Variants in DOCK8 observed in about 807,000 individuals in gnomAD.
The protein encoded by DOCK8 is dedicator of cytokinesis 8, also known as dedicator of cytokinesis protein 8.
A neutral mutation model predicts 245.6 loss-of-function variants in DOCK8; 141 were observed. The observed-to-expected ratio is 0.57, with a 90% CI of 0.50 to 0.66. DOCK8 has a LOEUF of 0.66. DOCK8 is among the 30% of genes least tolerant of loss of function. The pLI is 0.00. For missense variants in DOCK8, 2,965 were observed against 2,603.4 expected, an observed-to-expected ratio of 1.14 and a Z score of -3.02; for synonymous variants, 1,168 against 970.2, an observed-to-expected ratio of 1.20 and a Z score of -3.79.
At chr9:269,057 ATATC>A (rs549731417) in intron 1 of DOCK8, among the ~76,000 whole-genome samples, 9 of 152,218 alleles carry the variant, frequency 5.9e-5, no homozygotes, top group Non-Finnish European at 1.0e-4. Flanking sequence ...ACACCTATCT[ATATC>A]TATTTAGATA....
chr9:315,548 G>C (rs1020131962), intron 6 of DOCK8, among the ~76,000 whole-genome samples: 1 of 152,156 alleles, frequency 6.6e-6, no homozygotes, highest in African/African-American at 2.4e-5. Context: ...AGGCATAATG[G>C]TATTGCTGTA....
intron 1 of DOCK8, among the ~76,000 whole-genome samples, chr9:226,308 A>C (rs899795313): frequency 6.6e-6 from 1 of 152,168 alleles, no homozygotes; most frequent in Non-Finnish European, 1.5e-5. Context: ...ACCTGCCTCC[A>C]TGATTCAATT....
chr9:315,996 A>G (rs56002971), intron 6 of DOCK8, among the ~76,000 whole-genome samples: 1 of 151,428 alleles, frequency 6.6e-6, no homozygotes, highest in South Asian at 2.1e-4. Context: ...AAACTCAGCC[A>G]TTCCACCCAG....
chr9:215,093 C>G (rs1027489935), intron 1 of DOCK8, 64 bp downstream of exon 1: 8 of 1,519,238 alleles, frequency 5.3e-6, no homozygotes, highest in Middle Eastern at 1.9e-4. Flanking sequence ...TGAAGCGGAG[C>G]TTCGCTGCAG....
chr9:400,042 ACCTCCACCATCACCACCTCCT>A (rs2054712380), intron 26 of DOCK8, among the ~76,000 whole-genome samples: 3 of 105,638 alleles, frequency 2.8e-5, no homozygotes, highest in African/African-American at 1.3e-4. Context: ...CACCACCACC[ACCTCCACCATCACCACCTCCT>A]TCACCATCAC....
At chr9:397,342 C>G (rs927563891) in intron 25 of DOCK8, among the ~76,000 whole-genome samples, 1 of 127,890 alleles carries the variant, frequency 7.8e-6, no homozygotes, top group Admixed American at 8.8e-5. Flanking sequence ...CAGAGTGAGA[C>G]TCTGTCTCAA....
Position 424,323 on chromosome 9 carries a change from A to G in DOCK8, c.4241+2188A>G, listed in dbSNP as rs559626043. Reference sequence around the variant, plus strand: ...GAAACTCCAGCAGGACCCAGAAATCAGTATTTGGTAAAACTTCCCAGGTGA... The same window carrying G: ...GAAACTCCAGCAGGACCCAGAAATCGGTATTTGGTAAAACTTCCCAGGTGA... On this transcript the variant is annotated intron_variant, in intron 33 of 47. Transcript: ENST00000432829. Among the ~76,000 whole-genome samples, 3 of 152,192 alleles carry G rather than the reference A, an allele frequency of 2.0e-5. No homozygotes were observed. The South Asian group carries it at 6.2e-4, about 32-fold the overall frequency.
chr9:403,000 C>T (rs1283339034), intron 26 of DOCK8, among the ~76,000 whole-genome samples: 1 of 152,336 alleles, frequency 6.6e-6, no homozygotes, highest in East Asian at 1.9e-4. Flanking sequence ...AGCGATTCTC[C>T]TTCCTCACCC....
chr9:328,294 T>C, intron 9 of DOCK8, 123 bp downstream of exon 9: 3 of 1,306,118 alleles, frequency 2.3e-6, no homozygotes, highest in Non-Finnish European at 3.2e-6. Context: ...TCACTTTGTT[T>C]CCTTCTCAGT....
At chr9:331,026 TAAG>T (rs1156675960) in intron 9 of DOCK8, among the ~76,000 whole-genome samples, 1 of 152,164 alleles carries the variant, frequency 6.6e-6, no homozygotes, top group Admixed American at 6.5e-5. Flanking sequence ...GGGTCCTAAT[TAAG>T]AAGTTCTTCA....
At chr9:244,456 C>CACACA (rs2047456209) in intron 1 of DOCK8, among the ~76,000 whole-genome samples, 1 of 151,994 alleles carries the variant, frequency 6.6e-6, no homozygotes, top group African/African-American at 2.4e-5. Context: ...CCCTTTTATA[C>CACACA]GCACAGAGCA....
chr9:391,344 T>G (rs543994455), intron 24 of DOCK8, among the ~76,000 whole-genome samples: 1 of 152,276 alleles, frequency 6.6e-6, no homozygotes, highest in Non-Finnish European at 1.5e-5. Context: ...TTTTTCTGTC[T>G]CAGCGGTTAG....
intron 12 of DOCK8, among the ~76,000 whole-genome samples, chr9:338,742 A>G (rs550807865): frequency 1.8e-4 from 27 of 152,276 alleles, no homozygotes; most frequent in African/African-American, 6.5e-4. Flanking sequence ...TGGTTTTCTA[A>G]TGGTCAGACG....
intron 4 of DOCK8, 22 bp downstream of exon 4, chr9:289,603 T>A: frequency 6.3e-7 from 1 of 1,591,450 alleles, no homozygotes; most frequent in Non-Finnish European, 8.6e-7. Flanking sequence ...TTTTTCCACT[T>A]TTTGTATATA....
At position 312,042 on chromosome 9, in the gene DOCK8, C is replaced by T. The variant is rs71509947; in HGVS notation, c.617C>T (p.Pro206Leu). ...GACTTTGACCTCCGCAGCCTGCAGC[C>T]TGACAAGCGGCTAGAAAACCTCCTG... ...ACDFDLRSLQ[P>L]DKRLENLLQQ... is the part of the protein sequence containing the mutation. Residue 206 changes from proline to leucine, a missense_variant, in exon 6 of 48, where the codon CCT becomes CTT. Physicochemically the swap from Pro to Leu is moderately conservative, Grantham distance 98 (BLOSUM62 -3). Coordinates refer to ENST00000432829, the MANE Select transcript of DOCK8 (RefSeq NM_203447.4). The T allele has an allele frequency of 1.9e-5, 30 of 1,614,212 alleles. No individual in the cohort carries two copies. In the Admixed American group the frequency reaches 4.7e-4, roughly 25 times the overall value.
At position 336,619 on chromosome 9, in the gene DOCK8, A is replaced by G. The variant is rs1192674241; in HGVS notation, c.1323A>G (p.Gln441=). The change falls in exon 12 of 48, where the codon CAA becomes CAG. Residue 441 remains glutamine (Q), a synonymous_variant. Transcript: ENST00000432829. The part of the protein sequence containing the change: ...SSVGERRTLA[Q]SRRLSERALS... ...TGGGTGAACGGAGGACATTGGCCCAATCTAGAAGGCTTTCTGAAAGAGCCC... is the reference window on the plus strand; with the variant it reads ...TGGGTGAACGGAGGACATTGGCCCAGTCTAGAAGGCTTTCTGAAAGAGCCC... 6.2e-7 allele frequency: 1 copy of G among 1,614,078 alleles called. No homozygotes were observed. The highest frequency in any genetic ancestry group is 8.5e-7 in the Non-Finnish European group (1 of 1,180,036).
chr9:306,284 A>G (rs1371723101), intron 5 of DOCK8, among the ~76,000 whole-genome samples: 3 of 152,172 alleles, frequency 2.0e-5, no homozygotes, highest in African/African-American at 4.8e-5. Flanking sequence ...GGAGCTTCAC[A>G]GTAGAATCAG....
chr9:370,221 G>T lies in DOCK8; in HGVS notation c.1798-9G>T. ...CTGATAATTTGATCCTTTCTCTACTGGTGAACAGGTCATCTTTGGAAAATC... is the reference window on the plus strand; with the variant it reads ...CTGATAATTTGATCCTTTCTCTACTTGTGAACAGGTCATCTTTGGAAAATC... On this transcript the variant is annotated splice_polypyrimidine_tract_variant and intron_variant, in intron 15 of 47. Coordinates refer to ENST00000432829, the MANE Select transcript of DOCK8 (RefSeq NM_203447.4). 6.2e-7 allele frequency: 1 copy of T among 1,612,234 alleles called. No individual in the cohort carries two copies. The highest frequency in any genetic ancestry group is 8.5e-7 in the Non-Finnish European group (1 of 1,178,250).
At chr9:463,870 G>C (rs1005852232) in intron 47 of DOCK8, among the ~76,000 whole-genome samples, 183 bp downstream of exon 47, 1 of 152,164 alleles carries the variant, frequency 6.6e-6, no homozygotes. Flanking sequence ...CCCCATCCCT[G>C]CTCCTTGACC....
Sources: allele counts gnomAD v4.1 joint callset (sites outside exome capture counted in the v4.1 genomes callset), GRCh38; gene constraint gnomAD v4.1.1; transcripts MANE v1.5; gene names NCBI Gene and HGNC (gene_info 2026-07-23, HGNC 2026-07-21).